Variants in DSCAML1 observed in about 807,000 individuals in gnomAD.
The protein encoded by DSCAML1 is DS cell adhesion molecule like 1, also known as cell adhesion molecule DSCAML1.
In DSCAML1, 38 loss-of-function variants were observed where a neutral mutation model predicts 200.5. The ratio of observed to expected loss-of-function variants is 0.19; its 90% CI spans 0.15 to 0.25. DSCAML1 has a LOEUF of 0.25. DSCAML1 is among the 10% of genes least tolerant of loss of function. The probability of loss-of-function intolerance (pLI) is 1.00; values close to 1 mark genes in which losing one functional copy is unlikely to be tolerated. For missense variants in DSCAML1, 2,223 were observed against 2,858.8 expected, an observed-to-expected ratio of 0.78 and a Z score of 5.07; for synonymous variants, 1,215 against 1,165.0, an observed-to-expected ratio of 1.04 and a Z score of -0.87.
intron 3 of DSCAML1, among the ~76,000 whole-genome samples, chr11:117,540,949 G>A (rs58088485): frequency 0.27 from 41,441 of 152,112 alleles, 6,083 homozygotes; most frequent in African/African-American, 0.36. Context: ...GAGATATTGC[G>A]TAGGGGATTT....
chr11:117,653,019 T>C (rs756204798), intron 3 of DSCAML1, among the ~76,000 whole-genome samples: 5 of 152,208 alleles, frequency 3.3e-5, no homozygotes, highest in African/African-American at 2.4e-5. Context: ...CTTTGGGAGA[T>C]GAACTACGAT....
intron 3 of DSCAML1, among the ~76,000 whole-genome samples, chr11:117,587,262 C>CA (rs57786752): frequency 5.6e-4 from 84 of 150,802 alleles, no homozygotes; most frequent in African/African-American, 1.9e-3. Context: ...AACCCCCCCC[C>CA]ACGATTTAGA....
Position 117,662,478 on chromosome 11 carries a change from G to A in DSCAML1, c.511+114313C>T, listed in dbSNP as rs118104089. 1.5e-3 allele frequency among the ~76,000 whole-genome samples: 225 copies of A among 152,358 alleles called. 6 individuals are homozygous for A. In the East Asian group the frequency reaches 0.039, roughly 27 times the overall value. The stretch of plus-strand genomic sequence containing the variant: ...GCAGACTTGGCTGTCTCACAGAGTC[G>A]TGAGTTCACGGATGACCACTCGTCG... On this transcript the variant is annotated intron_variant, in intron 3 of 32. Coordinates refer to ENST00000651296, the MANE Select transcript of DSCAML1 (RefSeq NM_020693.4).
intron 3 of DSCAML1, among the ~76,000 whole-genome samples, chr11:117,684,435 TAAAAAAAAA>T (rs149958154): frequency 2.7e-5 from 2 of 74,596 alleles, no homozygotes; most frequent in East Asian, 4.9e-4. Flanking sequence ...TTTCATTAAC[TAAAAAAAAA>T]AAAAAAAAAA....
intron 3 of DSCAML1, among the ~76,000 whole-genome samples, chr11:117,568,263 T>C (rs2050789387): frequency 6.6e-6 from 1 of 152,092 alleles, no homozygotes; most frequent in African/African-American, 2.4e-5. Context: ...CCACAGCCAA[T>C]ATCATACTGA....
intron 3 of DSCAML1, among the ~76,000 whole-genome samples, chr11:117,662,616 T>C (rs939859995): frequency 1.3e-5 from 2 of 152,212 alleles, no homozygotes; most frequent in African/African-American, 2.4e-5. Context: ...ACCCTGCACA[T>C]AGTAGGTGCT....
chr11:117,809,088 G>A (rs2055733789), intron 1 of DSCAML1, among the ~76,000 whole-genome samples: 2 of 152,232 alleles, frequency 1.3e-5, no homozygotes, highest in African/African-American at 4.8e-5. Context: ...CGAAGCTTGA[G>A]AGGAGGAAAA....
At chr11:117,441,892 CAG>C (rs924310396) in intron 21 of DSCAML1, among the ~76,000 whole-genome samples, 1 of 152,084 alleles carries the variant, frequency 6.6e-6, no homozygotes, top group Non-Finnish European at 1.5e-5. Flanking sequence ...TGGGTGTTCT[CAG>C]AGTTTCTCCA....
intron 14 of DSCAML1, among the ~76,000 whole-genome samples, chr11:117,477,225 A>G (rs536043057): frequency 2.7e-5 from 4 of 150,190 alleles, no homozygotes; most frequent in African/African-American, 4.9e-5. Context: ...ACACACACAC[A>G]CGTGCACACT....
At chr11:117,670,636 G>T (rs1313348483) in intron 3 of DSCAML1, among the ~76,000 whole-genome samples, 1 of 152,132 alleles carries the variant, frequency 6.6e-6, no homozygotes, top group East Asian at 1.9e-4. Flanking sequence ...AGGCCACTGT[G>T]ATTGTTCACT....
chr11:117,712,272 C>A (rs189168229), intron 3 of DSCAML1, among the ~76,000 whole-genome samples: 6 of 152,272 alleles, frequency 3.9e-5, no homozygotes, highest in Admixed American at 3.3e-4. Flanking sequence ...TTCCTGAAAC[C>A]CAAACCTGGA....
chr11:117,535,572 C>T (rs1301928119), intron 3 of DSCAML1, among the ~76,000 whole-genome samples: 2 of 152,194 alleles, frequency 1.3e-5, no homozygotes, highest in South Asian at 2.1e-4. Flanking sequence ...CGAGGAAGCA[C>T]GGAGAAAGCC....
chr11:117,552,198 G>A (rs1022859230), intron 3 of DSCAML1, among the ~76,000 whole-genome samples: 2 of 152,046 alleles, frequency 1.3e-5, no homozygotes, highest in East Asian at 1.9e-4. Flanking sequence ...TGGGCTGTGG[G>A]GAATGTCAGT....
chr11:117,439,689 C>A, intron 22 of DSCAML1, 130 bp downstream of exon 22: 1 of 929,292 alleles, frequency 1.1e-6, no homozygotes, highest in Admixed American at 1.9e-5. Flanking sequence ...GCAGCACACC[C>A]TGCAGGGCCT....
intron 8 of DSCAML1, among the ~76,000 whole-genome samples, chr11:117,511,279 C>T (rs2049612579): frequency 1.3e-5 from 2 of 152,242 alleles, no homozygotes; most frequent in Non-Finnish European, 2.9e-5. Context: ...CCTCCCTGTC[C>T]TGGTCCTGCT....
intron 3 of DSCAML1, among the ~76,000 whole-genome samples, chr11:117,604,456 A>C (rs1323787138): frequency 6.6e-6 from 1 of 152,008 alleles, no homozygotes; most frequent in East Asian, 1.9e-4. Context: ...GCCTGTGTTA[A>C]ATTGCAACAA....
chr11:117,440,307 G>T (rs763295619), intron 21 of DSCAML1, among the ~76,000 whole-genome samples: 4 of 152,210 alleles, frequency 2.6e-5, no homozygotes, highest in Non-Finnish European at 5.9e-5. Context: ...TGCGAGGCAG[G>T]GGGAATGAAT....
chr11:117,601,303 A>G (rs1357726423), intron 3 of DSCAML1, among the ~76,000 whole-genome samples: 1 of 152,144 alleles, frequency 6.6e-6, no homozygotes, highest in Non-Finnish European at 1.5e-5. Flanking sequence ...TGGATCATGA[A>G]TCCTTTGCGG....
chr11:117,522,090 G>A (rs893385155), intron 5 of DSCAML1, among the ~76,000 whole-genome samples: 4 of 152,356 alleles, frequency 2.6e-5, no homozygotes, highest in South Asian at 2.1e-4. Flanking sequence ...TAGGTCTTTA[G>A]AGCACCAGCA....
Sources: allele counts gnomAD v4.1 joint callset (sites outside exome capture counted in the v4.1 genomes callset), GRCh38; gene constraint gnomAD v4.1.1; transcripts MANE v1.5; gene names NCBI Gene and HGNC (gene_info 2026-07-23, HGNC 2026-07-21).